The following CAMTA1 variants were observed in gnomAD, a reference collection of about 807,000 sequenced individuals.
CAMTA1 encodes calmodulin binding transcription activator 1.
CAMTA1 carries 27 observed loss-of-function variants against 170.9 expected under a neutral mutation model. The observed-to-expected ratio is 0.16, with a 90% CI of 0.12 to 0.22. The LOEUF is 0.22. CAMTA1 is among the 10% of genes least tolerant of loss of function. The pLI is 1.00. For synonymous variants in CAMTA1, 833 were observed against 891.5 expected (o/e 0.93, Z 1.17); for missense variants, 1,619 against 2,217.2 (o/e 0.73, Z 5.42).
At chr1:6,816,347 C>T (rs889230112) in intron 1 of CAMTA1, among the ~76,000 whole-genome samples, 2 of 152,150 alleles carry the variant, frequency 1.3e-5, no homozygotes, top group East Asian at 1.9e-4. Context: ...AATGTATCTC[C>T]AAGAGGACAG....
intron 6 of CAMTA1, among the ~76,000 whole-genome samples, chr1:7,601,715 G>C (rs2095444829): frequency 6.6e-6 from 1 of 152,244 alleles, no homozygotes; most frequent in Non-Finnish European, 1.5e-5. Flanking sequence ...GAGGCTGGCG[G>C]ATCCCTCGCG....
intron 6 of CAMTA1, among the ~76,000 whole-genome samples, chr1:7,587,388 A>ATTACC (rs2095320053): frequency 6.6e-6 from 1 of 151,714 alleles, no homozygotes; most frequent in Non-Finnish European, 1.5e-5. Context: ...TCTAAACCCA[A>ATTACC]TTACCGGGAG....
chr1:7,521,082 C>T (rs908551317), intron 6 of CAMTA1, among the ~76,000 whole-genome samples: 2 of 152,142 alleles, frequency 1.3e-5, no homozygotes, highest in African/African-American at 4.8e-5. Flanking sequence ...ATGTGGTGGG[C>T]TTTTCATAAG....
chr1:7,059,652 T>C (rs979040727), intron 3 of CAMTA1, among the ~76,000 whole-genome samples: 2 of 152,132 alleles, frequency 1.3e-5, no homozygotes, highest in Admixed American at 1.3e-4. Flanking sequence ...CAAAAGCTTA[T>C]GATATGATCA....
intron 4 of CAMTA1, among the ~76,000 whole-genome samples, chr1:7,172,632 G>A (rs6577417): frequency 0.33 from 50,097 of 152,128 alleles, 8,374 homozygotes; most frequent in African/African-American, 0.37. Context: ...TGCCCAGCCT[G>A]GGGATGCTCT....
intron 5 of CAMTA1, among the ~76,000 whole-genome samples, chr1:7,283,669 T>C (rs1420108927): frequency 6.6e-6 from 1 of 152,222 alleles, no homozygotes; most frequent in African/African-American, 2.4e-5. Flanking sequence ...GTCATAAGGC[T>C]GGTAGTATTT....
At chr1:7,555,606 C>T (rs2094865065) in intron 6 of CAMTA1, among the ~76,000 whole-genome samples, 1 of 89,914 alleles carries the variant, frequency 1.1e-5, no homozygotes, top group African/African-American at 3.4e-5. Context: ...AGGTCCTGCT[C>T]CTGGAACAGG....
rs140755677 is a variant in CAMTA1, at chr1:6,790,817, G to C, written c.45+5242G>C. Among the ~76,000 whole-genome samples, 1,141 of 152,128 alleles carry C rather than the reference G, an allele frequency of 7.5e-3. 2 individuals carry two copies. The highest frequency in any genetic ancestry group is 0.012 in the Non-Finnish European group (819 of 68,004). ...TGCCTCAAATTCTTTGTGGGTACAG[G>C]TTAGGTATAAATAATGATAATAATA... is the stretch of plus-strand genomic sequence containing the variant. On this transcript the variant is annotated intron_variant, in intron 1 of 22. Transcript: ENST00000303635.
intron 11 of CAMTA1, among the ~76,000 whole-genome samples, chr1:7,679,769 G>A (rs1003975782): frequency 6.6e-6 from 1 of 152,232 alleles, no homozygotes; most frequent in Non-Finnish European, 1.5e-5. Flanking sequence ...TCCGCAGCTT[G>A]GACCCCCAGC....
chr1:7,492,587 A>G (rs2093722497), intron 6 of CAMTA1, among the ~76,000 whole-genome samples: 1 of 140,080 alleles, frequency 7.1e-6, no homozygotes, highest in African/African-American at 3.1e-5. Context: ...AAACCTACAT[A>G]CACACACGCG....
chr1:7,585,352 G>T lies in CAMTA1; in HGVS notation c.511-55048G>T. Among the ~76,000 whole-genome samples the T allele has an allele frequency of 6.6e-6, 1 of 152,180 alleles. No homozygotes were observed. Among genetic ancestry groups the T allele is most frequent in the East Asian group, 1.9e-4 (1 of 5,192 alleles). ...ACCTGGCAGAGCCCTGAGAGCGGTG[G>T]GATGGGCTGGGAGCAGATCTAGGGA... On this transcript the variant is annotated intron_variant, in intron 6 of 22. Coordinates refer to ENST00000303635, the MANE Select transcript of CAMTA1 (RefSeq NM_015215.4). The surrounding 1 kb of genome is among the most constrained non-coding windows in gnomAD (Gnocchi z 4.8).
chr1:6,797,014 T>G (rs145997538), intron 1 of CAMTA1, among the ~76,000 whole-genome samples: 76 of 152,336 alleles, frequency 5.0e-4, no homozygotes, highest in African/African-American at 1.6e-3. Flanking sequence ...TAATAATGCA[T>G]GATTAGAATT....
At chr1:6,798,421 A>G (rs948535631) in intron 1 of CAMTA1, among the ~76,000 whole-genome samples, 2 of 152,122 alleles carry the variant, frequency 1.3e-5, no homozygotes, top group African/African-American at 4.8e-5. Flanking sequence ...TACTGGCGGT[A>G]GCATCAGAAT....
At chr1:7,401,187 G>C (rs2089874491) in intron 5 of CAMTA1, among the ~76,000 whole-genome samples, 1 of 152,080 alleles carries the variant, frequency 6.6e-6, no homozygotes, top group Non-Finnish European at 1.5e-5. Context: ...TTTGTATACG[G>C]TGCAAGGTAT....
chr1:7,341,233 T>A (rs534344189), intron 5 of CAMTA1, among the ~76,000 whole-genome samples: 9 of 152,300 alleles, frequency 5.9e-5, no homozygotes, highest in Non-Finnish European at 1.3e-4. Context: ...ATGGCTGGAA[T>A]AGGAAAGAGC....
chr1:6,864,701 A>G (rs1409154073), intron 3 of CAMTA1, among the ~76,000 whole-genome samples: 1 of 152,046 alleles, frequency 6.6e-6, no homozygotes, highest in Non-Finnish European at 1.5e-5. Flanking sequence ...CCCAGCTTAC[A>G]TGCCATTTAC....
At chr1:7,364,035 G>C (rs2085774001) in intron 5 of CAMTA1, among the ~76,000 whole-genome samples, 1 of 152,196 alleles carries the variant, frequency 6.6e-6, no homozygotes, top group Non-Finnish European at 1.5e-5. Flanking sequence ...AGCCGAGAGT[G>C]CCTCTTCCAG....
At chr1:7,582,794 G>A (rs893155759) in intron 6 of CAMTA1, among the ~76,000 whole-genome samples, 3 of 151,874 alleles carry the variant, frequency 2.0e-5, no homozygotes, top group Admixed American at 6.6e-5. Context: ...GCTGGGAAGT[G>A]TCACACAGCT....
At chr1:7,507,898 C>T (rs752161543) in intron 6 of CAMTA1, among the ~76,000 whole-genome samples, 3 of 152,350 alleles carry the variant, frequency 2.0e-5, no homozygotes, top group Middle Eastern at 3.4e-3. Flanking sequence ...CCTGGCACAC[C>T]GCAGCTCTCC....
Sources: allele counts gnomAD v4.1 joint callset (sites outside exome capture counted in the v4.1 genomes callset), GRCh38; gene constraint gnomAD v4.1.1; non-coding constraint Gnocchi (gnomAD v3.1); transcripts MANE v1.5; gene names NCBI Gene and HGNC (gene_info 2026-07-23, HGNC 2026-07-21).